ADAMTSL4: variants seen among roughly 807,000 people sequenced by gnomAD.
The protein encoded by ADAMTSL4 is ADAMTS like 4.
Under a neutral mutation model 122.8 loss-of-function variants are expected in ADAMTSL4, and 97 were observed. The observed-to-expected ratio is 0.79, with a 90% CI of 0.67 to 0.93. The LOEUF is 0.93. Ranked by LOEUF, ADAMTSL4 falls within the 40% of genes least tolerant of loss-of-function variation. ADAMTSL4 has a pLI of 0.00. For synonymous variants in ADAMTSL4, 592 were observed against 568.0 expected (o/e 1.04, Z -0.60); for missense variants, 1,408 against 1,453.5 (o/e 0.97, Z 0.51).
intron 15 of ADAMTSL4, 86 bp downstream of exon 15, chr1:150,558,735 T>C (rs1474710400): frequency 6.2e-7 from 1 of 1,608,586 alleles, no homozygotes; most frequent in Non-Finnish European, 8.5e-7. Context: ...CTCAATAAAC[T>C]TGTATTGATC....
Position 150,556,911 on chromosome 1 carries a change from C to T in ADAMTSL4, c.1750-28C>T. On this transcript the variant is annotated intron_variant, in intron 10 of 18. Transcript: ENST00000271643. The surrounding 1 kb of genome is among the most constrained non-coding windows in gnomAD (Gnocchi z 4.1). The stretch of plus-strand genomic sequence containing the variant: ...TGGCATCCTCTTCTGGCCACCCCCA[C>T]ATATTCATTATCTTCTCTTCTCCCC... 6.2e-7 allele frequency: 1 copy of T among 1,610,960 alleles called. No homozygotes were observed. The highest frequency in any genetic ancestry group is 8.5e-7 in the Non-Finnish European group (1 of 1,177,142).
chr1:150,553,158 G>C lies in ADAMTSL4; in HGVS notation c.339G>C (p.Leu113Phe). The change falls in exon 5 of 19, where the codon TTG becomes TTC. Residue 113 changes from leucine to phenylalanine, a missense_variant. Leu to Phe is a conservative substitution (Grantham distance 22). Transcript: ENST00000271643. ...RPQTSPETLP[L>F]YRTQSRGRGG... ...AGACTTCTCCAGAAACCCTCCCCTT[G>C]TACAGGACACAGTCTCGGGGAAGGG... 6.2e-7 allele frequency: 1 copy of C among 1,612,508 alleles called. No individual in the cohort carries two copies. The highest frequency in any genetic ancestry group is 1.1e-5 in the South Asian group (1 of 90,922).
At position 150,558,593 on chromosome 1, in the gene ADAMTSL4, G is replaced by A. The variant is rs761324979; in HGVS notation, c.2503G>A (p.Ala835Thr). The A allele has an allele frequency of 4.3e-6, 7 of 1,613,876 alleles. No individual in the cohort carries two copies. Among genetic ancestry groups the A allele is most frequent in the Admixed American group, 1.7e-5 (1 of 60,022 alleles). ...SGPPQPPSRE[A>T]CDMGPCTTAW... The stretch of plus-strand genomic sequence containing the variant: ...CCCCCCGCAGCCCCCCAGCAGAGAG[G>A]CCTGTGACATGGGGCCCTGTACTAC... Residue 835 changes from alanine to threonine, a missense_variant, in exon 15 of 19, where the codon GCC becomes ACC. Physicochemically the swap from Ala to Thr is moderately conservative, Grantham distance 58 (BLOSUM62 0). Coordinates refer to ENST00000271643, the MANE Select transcript of ADAMTSL4 (RefSeq NM_019032.6).
chr1:150,558,567 G>GC lies in ADAMTSL4; in HGVS notation c.2483dup (p.Gln829AlafsTer9), dbSNP rs771762024. On this transcript the variant is annotated frameshift_variant, in exon 15 of 19. Transcript: ENST00000271643. LOFTEE classifies it high-confidence loss of function. ...GTGAGCGAGCAGGAGTGTGCGTCAG[G>GC]CCCCCCGCAGCCCCCCAGCAGAGAG... 9 of 1,613,184 alleles carry GC rather than the reference G, an allele frequency of 5.6e-6. No homozygotes were observed. The highest frequency in any genetic ancestry group is 1.7e-5 in the Admixed American group (1 of 60,020).
rs10687239 is a variant in ADAMTSL4 at position 150,555,614 on chromosome 1, G to GACAC, written c.1371+51_1371+54dup. On this transcript the variant is annotated intron_variant, in intron 8 of 18. Coordinates refer to ENST00000271643, the MANE Select transcript of ADAMTSL4 (RefSeq NM_019032.6). ...GCACACACACATGCATATGCACACAGACACATGCCCCCATATGCATACACA... is the reference window on the plus strand; with the variant it reads ...GCACACACACATGCATATGCACACAGACACACACATGCCCCCATATGCATACACA... 0.65 allele frequency: 1,041,140 copies of GACAC among 1,608,962 alleles called. 339,497 individuals carry two copies. The highest frequency in any genetic ancestry group is 0.83 in the East Asian group (37,042 of 44,756).
rs751772197 is a variant in ADAMTSL4, at chr1:150,552,998, G to T, written c.179G>T (p.Cys60Phe). Residue 60 changes from cysteine (C) to phenylalanine (F), a missense_variant, in exon 5 of 19, where the codon TGC (cysteine) becomes TTC (phenylalanine). Coordinates refer to ENST00000271643, the MANE Select transcript of ADAMTSL4 (RefSeq NM_019032.6). This position sits in a 1 kb window ranked among gnomAD's most constrained non-coding sequence, Gnocchi z 4.0. ...CAGTGGGCCTCTTGCTCCCAGCCCT[G>T]CGGGGTGGGGGTGCAGCGCAGGAGC... ...WVQWASCSQP[C>F]GVGVQRRSRT... The T allele has an allele frequency of 9.9e-6, 16 of 1,613,322 alleles. No homozygotes were observed. The South Asian group carries it at 1.6e-4, about 17-fold the overall frequency.
chr1:150,553,273 G>A lies in ADAMTSL4; in HGVS notation c.434+20G>A, dbSNP rs1340105509. Reference sequence around the variant, plus strand: ...CAGGAGGTGAGAGGCCTGGGTGGAAGAGGTGGGCCTTGGGCAAGGTGGGGG... The same window carrying A: ...CAGGAGGTGAGAGGCCTGGGTGGAAAAGGTGGGCCTTGGGCAAGGTGGGGG... On this transcript the variant is annotated intron_variant, in intron 5 of 18. Coordinates refer to ENST00000271643, the MANE Select transcript of ADAMTSL4 (RefSeq NM_019032.6). 6.2e-7 allele frequency: 1 copy of A among 1,610,830 alleles called. No homozygotes were observed. Among genetic ancestry groups the A allele is most frequent in the Non-Finnish European group, 8.5e-7 (1 of 1,178,164 alleles).
chr1:150,557,711 G>A (rs1279394994), intron 13 of ADAMTSL4, 88 bp downstream of exon 13: 2 of 1,447,092 alleles, frequency 1.4e-6, no homozygotes, highest in Non-Finnish European at 1.9e-6. Context: ...TGCACTCAAC[G>A]CAACATCTCC....
chr1:150,558,503 A>G lies in ADAMTSL4; in HGVS notation c.2413A>G (p.Ser805Gly), dbSNP rs768932013. ...CGTGCGGTGCGGCCGGGGCCAGAGAAGCCGGCAGGTTCGCTGTGTTGGGAA... is the reference window on the plus strand; with the variant it reads ...CGTGCGGTGCGGCCGGGGCCAGAGAGGCCGGCAGGTTCGCTGTGTTGGGAA... ...CSVRCGRGQRSRQVRCVGNNG... is the reference protein window; with the variant it reads ...CSVRCGRGQRGRQVRCVGNNG... The change falls in exon 15 of 19, where the codon AGC (serine) becomes GGC (glycine). Residue 805 changes from serine to glycine, a missense_variant. Transcript: ENST00000271643. 2.1e-5 allele frequency: 34 copies of G among 1,613,640 alleles called. No homozygotes were observed. Among genetic ancestry groups the G allele is most frequent in the Non-Finnish European group, 2.5e-5 (30 of 1,179,996 alleles).
intron 13 of ADAMTSL4, 70 bp downstream of exon 13, chr1:150,557,693 C>A (rs1672318883): frequency 6.6e-7 from 1 of 1,520,004 alleles, no homozygotes; most frequent in Non-Finnish European, 8.9e-7. Context: ...AGAATCTTAC[C>A]TGAACTCTGC....
intron 14 of ADAMTSL4, 137 bp from the exon 15 acceptor site, chr1:150,558,336 C>T: frequency 1.3e-6 from 2 of 1,528,116 alleles, no homozygotes; most frequent in Non-Finnish European, 1.8e-6. Flanking sequence ...TAGGGCTCAG[C>T]CTCCTCCTCA....
chr1:150,557,491 C>A lies in ADAMTSL4; in HGVS notation c.2048-3C>A. The stretch of plus-strand genomic sequence containing the variant: ...CTCCCTGGCTGCCTTCTCACCCACT[C>A]AGGTGTCTGGCGCCCCATTTTCCTC... On this transcript the variant is annotated splice_region_variant and splice_polypyrimidine_tract_variant and intron_variant, in intron 12 of 18. Coordinates refer to ENST00000271643, the MANE Select transcript of ADAMTSL4 (RefSeq NM_019032.6). 1 of 1,613,198 alleles carries A rather than the reference C, an allele frequency of 6.2e-7. No individual in the cohort carries two copies. Among genetic ancestry groups the A allele is most frequent in the Non-Finnish European group, 8.5e-7 (1 of 1,179,958 alleles).
At chr1:150,555,696 TGC>T (rs1045169112) in intron 8 of ADAMTSL4, 131 bp downstream of exon 8, 36 of 1,311,914 alleles carry the variant, frequency 2.7e-5, no homozygotes, top group East Asian at 2.2e-4. Flanking sequence ...CACACGCATA[TGC>T]GCACAGACAC....
rs150019133 is a variant in ADAMTSL4 at position 150,552,211 on chromosome 1, C to T, written c.-78C>T. 1.2e-5 allele frequency: 18 copies of T among 1,466,612 alleles called. No individual in the cohort carries two copies. The highest frequency in any genetic ancestry group is 1.4e-5 in the Non-Finnish European group (15 of 1,074,382). 90.8% of individuals were successfully genotyped at this position (1,466,612 alleles called of 1,614,324 possible). ...CAGGCTTCTGTCCCTGCAGAGAGCA[C>T]CCTCCACGCCCAGATGCCTGCGTAG... On this transcript the variant is annotated 5_prime_UTR_variant, in exon 3 of 19. Coordinates refer to ENST00000271643, the MANE Select transcript of ADAMTSL4 (RefSeq NM_019032.6). This position sits in a 1 kb window ranked among gnomAD's most constrained non-coding sequence, Gnocchi z 4.0.
At position 150,560,157 on chromosome 1, in the gene ADAMTSL4, C is replaced by G. The variant is rs368062133; in HGVS notation, c.3186C>G (p.Cys1062Trp). The G allele has an allele frequency of 6.2e-7, 1 of 1,613,946 alleles. No homozygotes were observed. Among genetic ancestry groups the G allele is most frequent in the African/African-American group, 1.3e-5 (1 of 74,912 alleles). The change falls in exon 19 of 19, where the codon TGC (cysteine) becomes TGG (tryptophan). Residue 1062 changes from cysteine (C) to tryptophan (W), a missense_variant. Transcript: ENST00000271643. ...ACACAGCCACCTGTTGCCGCTCTTGCGCACATGTCCTGGAGCGGTCTCCCC... is the reference window on the plus strand; with the variant it reads ...ACACAGCCACCTGTTGCCGCTCTTGGGCACATGTCCTGGAGCGGTCTCCCC... ...PYYTATCCRS[C>W]AHVLERSPQD...
Position 150,554,701 on chromosome 1 carries a change from C to A in ADAMTSL4, c.1234+234C>A. 1 of 1,507,688 alleles carries A rather than the reference C, an allele frequency of 6.6e-7. No individual in the cohort carries two copies. The highest frequency in any genetic ancestry group is 1.2e-5 in the South Asian group (1 of 82,436). 93.4% of individuals were successfully genotyped at this position (1,507,688 alleles called of 1,614,324 possible). ...TGGGAGACACGCTTTGTCCGGACTC[C>A]CCTGGGAAGGCCATCACTGGGGGTC... On this transcript the variant is annotated intron_variant, in intron 7 of 18. Coordinates refer to ENST00000271643, the MANE Select transcript of ADAMTSL4 (RefSeq NM_019032.6). This position sits in a 1 kb window ranked among gnomAD's most constrained non-coding sequence, Gnocchi z 4.0.
chr1:150,553,443 C>CCAT lies in ADAMTSL4; in HGVS notation c.455_457dup (p.Ile152dup). On this transcript the variant is annotated inframe_insertion, in exon 6 of 19. Transcript: ENST00000271643. ...CTTCTCAGGTCCCGGCTTCGAGACC[C>CCAT]CATCAAGCCAGGAATGTTCGGTTAT... is the stretch of plus-strand genomic sequence containing the variant. 1 of 1,613,990 alleles carries CCAT rather than the reference C, an allele frequency of 6.2e-7. No individual in the cohort carries two copies. Among genetic ancestry groups the CCAT allele is most frequent in the Middle Eastern group, 1.6e-4 (1 of 6,062 alleles).
Position 150,557,498 on chromosome 1 carries a change from C to G in ADAMTSL4, c.2052C>G (p.Val684=). ...SACSASCGKG[V]WRPIFLCISR... Reference sequence around the variant, plus strand: ...GCTGCCTTCTCACCCACTCAGGTGTCTGGCGCCCCATTTTCCTCTGCATCT... The same window carrying G: ...GCTGCCTTCTCACCCACTCAGGTGTGTGGCGCCCCATTTTCCTCTGCATCT... The change falls in exon 13 of 19, where the codon GTC becomes GTG. Residue 684 remains valine (V), a synonymous_variant. Coordinates refer to ENST00000271643, the MANE Select transcript of ADAMTSL4 (RefSeq NM_019032.6). 6.2e-7 allele frequency: 1 copy of G among 1,613,180 alleles called. No individual in the cohort carries two copies. The highest frequency in any genetic ancestry group is 1.1e-5 in the South Asian group (1 of 91,044).
Position 150,559,273 on chromosome 1 carries a change from T to C in ADAMTSL4, c.2764-14T>C, listed in dbSNP as rs761153606. On this transcript the variant is annotated splice_polypyrimidine_tract_variant and intron_variant, in intron 16 of 18. Coordinates refer to ENST00000271643, the MANE Select transcript of ADAMTSL4 (RefSeq NM_019032.6). This position sits in a 1 kb window ranked among gnomAD's most constrained non-coding sequence, Gnocchi z 4.1. ...CTCCCCTCCCCTCATCACCCTGCCC[T>C]CCCCCTACACTAGTGCTCCTCCGAA... 39 of 1,612,054 alleles carry C rather than the reference T, an allele frequency of 2.4e-5. No homozygotes were observed. The highest frequency in any genetic ancestry group is 3.1e-5 in the Non-Finnish European group (37 of 1,178,606).
Sources: gnomAD v4.1 joint callset for allele counts on GRCh38, gnomAD v4.1.1 for gene constraint, Gnocchi (gnomAD v3.1) non-coding constraint, MANE v1.5 for transcripts, NCBI Gene and HGNC (gene_info 2026-07-23, HGNC 2026-07-21) for gene names.